Variants in CTXND2 observed in about 807,000 individuals in gnomAD.
CTXND2 encodes cortexin domain containing 2.
At chr1:150,889,771 T>TGCA (rs1316804473) in intron 1 of CTXND2, among the ~76,000 whole-genome samples, 1 of 152,118 alleles carries the variant, frequency 6.6e-6, no homozygotes, top group Non-Finnish European at 1.5e-5. Flanking sequence ...AACTGTTGTA[T>TGCA]GCACTATGTG....
At chr1:150,891,449 G>C (rs961781602) in intron 1 of CTXND2, among the ~76,000 whole-genome samples, 1 of 152,094 alleles carries the variant, frequency 6.6e-6, no homozygotes, top group Admixed American at 6.6e-5. Context: ...TCCTGACCTC[G>C]TGATCTGCCT....
At chr1:150,900,758 GAGA>G (rs753298541) in intron 1 of CTXND2, among the ~76,000 whole-genome samples, 12 of 152,126 alleles carry the variant, frequency 7.9e-5, no homozygotes, top group East Asian at 3.8e-4. Context: ...AAATCGAGGG[GAGA>G]AGGAGACCAC....
chr1:150,899,560 T>G (rs748413183), intron 1 of CTXND2, among the ~76,000 whole-genome samples: 21 of 151,734 alleles, frequency 1.4e-4, no homozygotes, highest in Non-Finnish European at 2.5e-4. Flanking sequence ...GTGGAGAAAA[T>G]TTTTCTAATA....
At chr1:150,902,159 T>TG (rs778398198) in intron 1 of CTXND2, among the ~76,000 whole-genome samples, 6 of 151,990 alleles carry the variant, frequency 3.9e-5, no homozygotes, top group Non-Finnish European at 8.8e-5. Context: ...CCCAGCACTT[T>TG]GGGGGGCAGA....
intron 1 of CTXND2, among the ~76,000 whole-genome samples, chr1:150,907,241 C>T (rs1669164044): frequency 6.6e-6 from 1 of 152,128 alleles, no homozygotes; most frequent in Admixed American, 6.5e-5. Flanking sequence ...TGGTTTTTAG[C>T]ACATTCACAG....
intron 1 of CTXND2, among the ~76,000 whole-genome samples, chr1:150,909,259 A>G (rs1669207089): frequency 2.2e-5 from 3 of 138,672 alleles, no homozygotes; most frequent in Non-Finnish European, 4.7e-5. Context: ...AAAAAAAAGT[A>G]CAAAAGTGTT....
intron 1 of CTXND2, among the ~76,000 whole-genome samples, chr1:150,903,538 G>A (rs1049086945): frequency 1.6e-4 from 24 of 152,146 alleles, no homozygotes; most frequent in African/African-American, 5.3e-4. Context: ...GGTGGCTCAC[G>A]CCTGTAATCC....
At chr1:150,912,636 G>C in exon 2 of CTXND2, 1 of 395,908 alleles carries the variant, frequency 2.5e-6, no homozygotes, top group Non-Finnish European at 4.4e-6. Context: ...TCCTGTTCAG[G>C]GAAATGGCTA....
chr1:150,902,278 G>A (rs1472251646), intron 1 of CTXND2, among the ~76,000 whole-genome samples: 2 of 151,926 alleles, frequency 1.3e-5, no homozygotes, highest in Non-Finnish European at 2.9e-5. Flanking sequence ...GTGGTGGTGG[G>A]TGCCTGTAGT....
intron 1 of CTXND2, among the ~76,000 whole-genome samples, chr1:150,902,689 CTA>C (rs1188991437): frequency 2.0e-5 from 3 of 151,752 alleles, no homozygotes; most frequent in Admixed American, 1.3e-4. Flanking sequence ...GTTCTGGTAA[CTA>C]TGTTACTATT....
At chr1:150,896,069 G>A (rs587600238) in intron 1 of CTXND2, among the ~76,000 whole-genome samples, 8 of 152,262 alleles carry the variant, frequency 5.3e-5, no homozygotes, top group East Asian at 1.9e-4. Context: ...TCTGTTTAAC[G>A]GAGAATCCGT....
intron 1 of CTXND2, among the ~76,000 whole-genome samples, chr1:150,904,582 G>T (rs1489243499): frequency 6.6e-6 from 1 of 152,162 alleles, no homozygotes; most frequent in East Asian, 1.9e-4. Flanking sequence ...GAATACTGGA[G>T]AAATTCCTTC....
At chr1:150,900,204 C>A (rs144935245) in intron 1 of CTXND2, among the ~76,000 whole-genome samples, 2 of 152,042 alleles carry the variant, frequency 1.3e-5, no homozygotes, top group African/African-American at 2.4e-5. Context: ...TAATACTCAC[C>A]GTGAAGGTCT....
intron 1 of CTXND2, among the ~76,000 whole-genome samples, chr1:150,905,698 A>G (rs1669130924): frequency 6.6e-6 from 1 of 152,074 alleles, no homozygotes; most frequent in Admixed American, 6.5e-5. Flanking sequence ...CACAGTATAT[A>G]TAAAGAATAA....
At position 150,899,515 on chromosome 1, in the gene CTXND2, A is replaced by G. The variant is rs4970983; in HGVS notation, c.-74+12202A>G. ...AAAAGAATGAAACCATACAAATAGTAAAAAAAGAACATGGGTGCATTCTAT... is the reference window on the plus strand; with the variant it reads ...AAAAGAATGAAACCATACAAATAGTGAAAAAAGAACATGGGTGCATTCTAT... On this transcript the variant is annotated intron_variant, in intron 1 of 1. Transcript: ENST00000636087. 1.6e-3 allele frequency among the ~76,000 whole-genome samples: 244 copies of G among 152,298 alleles called. 5 individuals are homozygous for G. Among genetic ancestry groups the G allele is most frequent in the Admixed American group, 0.014 (207 of 15,288 alleles).
At chr1:150,895,217 GT>G (rs1432321528) in intron 1 of CTXND2, among the ~76,000 whole-genome samples, 1 of 151,424 alleles carries the variant, frequency 6.6e-6, no homozygotes, top group Non-Finnish European at 1.5e-5. Context: ...TAAATTTTAG[GT>G]GAATTTTTAA....
intron 1 of CTXND2, among the ~76,000 whole-genome samples, chr1:150,892,019 G>C (rs1331745442): frequency 6.6e-6 from 1 of 152,108 alleles, no homozygotes; most frequent in Non-Finnish European, 1.5e-5. Flanking sequence ...TTGTGATAAG[G>C]AGAATAAATG....
intron 1 of CTXND2, chr1:150,903,938 T>A (rs1669089702): frequency 1.5e-6 from 1 of 647,908 alleles, no homozygotes; most frequent in Non-Finnish European, 2.9e-6. Flanking sequence ...TGTTCAGAAG[T>A]GTGCCCAGTG....
At chr1:150,899,222 C>T (rs1240145485) in intron 1 of CTXND2, among the ~76,000 whole-genome samples, 1 of 152,088 alleles carries the variant, frequency 6.6e-6, no homozygotes, top group African/African-American at 2.4e-5. Context: ...GAGAGGATCA[C>T]TTGAGGCCAG....
Sources: allele counts gnomAD v4.1 joint callset (sites outside exome capture counted in the v4.1 genomes callset), GRCh38; gene constraint gnomAD v4.1.1; transcripts MANE v1.5; gene names NCBI Gene and HGNC (gene_info 2026-07-23, HGNC 2026-07-21).